The following MBD5 variants were observed in gnomAD, a reference collection of about 807,000 sequenced individuals.
MBD5 encodes the protein methyl-CpG-binding domain protein 5.
MBD5 carries 13 observed loss-of-function variants against 117.3 expected under a neutral mutation model. The observed-to-expected ratio is 0.11, with a 90% CI of 0.07 to 0.18. The LOEUF (loss-of-function observed/expected upper bound fraction) is 0.18. MBD5 is among the 10% of genes least tolerant of loss of function. The pLI is 1.00. For missense variants in MBD5, 1,879 were observed against 2,093.8 expected (o/e 0.90, Z 2.00); for synonymous variants, 727 against 766.4 (o/e 0.95, Z 0.85).
intron 3 of MBD5, among the ~76,000 whole-genome samples, chr2:148,341,487 G>A (rs536999932): frequency 1.3e-5 from 2 of 151,812 alleles, no homozygotes; most frequent in East Asian, 3.9e-4. Context: ...ATTAAATTAG[G>A]TGATATTGCC....
chr2:148,163,261 C>T (rs1412511141), intron 1 of MBD5, among the ~76,000 whole-genome samples: 1 of 152,114 alleles, frequency 6.6e-6, no homozygotes, highest in Non-Finnish European at 1.5e-5. Context: ...GTCTTGGAGC[C>T]TAAGCCTGGA....
intron 1 of MBD5, among the ~76,000 whole-genome samples, chr2:148,053,322 C>A (rs1307974518): frequency 6.6e-6 from 1 of 152,012 alleles, no homozygotes; most frequent in African/African-American, 2.4e-5. Context: ...TTACAAAATA[C>A]TTTAGCATTT....
In MBD5 at chr2:148,513,719, T is replaced by C. The variant is rs1357033598; in HGVS notation, c.*778T>C. 1 of 152,178 alleles carries C rather than the reference T, an allele frequency of 6.6e-6. No individual in the cohort carries two copies. Among genetic ancestry groups the C allele is most frequent in the African/African-American group, 2.4e-5 (1 of 41,416 alleles). 9.4% of individuals were successfully genotyped at this position (152,178 alleles called of 1,614,324 possible). On this transcript the variant is annotated 3_prime_UTR_variant, in exon 14 of 14. Transcript: ENST00000642680. ...ACTGCAACCATTTGTTGCATATTTT[T>C]TTTACCTAAGTTTTAAAATAGAATA...
intron 4 of MBD5, among the ~76,000 whole-genome samples, chr2:148,353,566 A>G (rs182628552): frequency 6.6e-6 from 1 of 152,152 alleles, no homozygotes; most frequent in East Asian, 1.9e-4. Context: ...TCCTGTCTCT[A>G]TCATTCAGCA....
rs920870137 is a variant in MBD5, at chr2:148,437,173, G to T, written c.-556-21030G>T. 3.3e-5 allele frequency among the ~76,000 whole-genome samples: 5 copies of T among 151,884 alleles called. No homozygotes were observed. In the East Asian group the frequency reaches 9.7e-4, roughly 30 times the overall value. ...ATTTTTTGTATTTTTAGTAGAGATG[G>T]GGTTTCACCATATTAGCCAGGATGG... On this transcript the variant is annotated intron_variant, in intron 4 of 13. Transcript: ENST00000642680.
intron 1 of MBD5, among the ~76,000 whole-genome samples, chr2:148,038,040 GAA>G (rs1694243775): frequency 6.6e-6 from 1 of 151,924 alleles, no homozygotes; most frequent in Non-Finnish European, 1.5e-5. Flanking sequence ...TGGATCAGGA[GAA>G]AGAGACCCAG....
At chr2:148,050,770 T>C (rs1020251646) in intron 1 of MBD5, among the ~76,000 whole-genome samples, 4 of 152,176 alleles carry the variant, frequency 2.6e-5, no homozygotes, top group African/African-American at 9.6e-5. Flanking sequence ...TGTACGTCTC[T>C]CCTTATATCA....
chr2:148,261,342 T>C (rs911668812), intron 3 of MBD5, among the ~76,000 whole-genome samples: 2 of 152,224 alleles, frequency 1.3e-5, no homozygotes, highest in Non-Finnish European at 2.9e-5. Context: ...GAAAATCTGT[T>C]GTTTGTTCAT....
chr2:148,100,648 A>G (rs1196960555), intron 1 of MBD5, among the ~76,000 whole-genome samples: 1 of 152,214 alleles, frequency 6.6e-6, no homozygotes, highest in African/African-American at 2.4e-5. Flanking sequence ...CAGTTCTCCA[A>G]AAGGGCCTGT....
chr2:148,232,442 A>T (rs1393922775), intron 2 of MBD5, among the ~76,000 whole-genome samples: 3 of 152,132 alleles, frequency 2.0e-5, no homozygotes, highest in Non-Finnish European at 1.5e-5. Context: ...CAATGGATGA[A>T]ACTCAGAAAT....
In MBD5 at chr2:148,389,079, A is replaced by T. The variant is rs563961342; in HGVS notation, c.-557+46743A>T. ...ATTTAAGTGTGAACATGCAATATTT[A>T]ATTTTCTGTTTCTGAGTTACTTCAC... is the stretch of plus-strand genomic sequence containing the variant. On this transcript the variant is annotated intron_variant, in intron 4 of 13. Transcript: ENST00000642680. 2.7e-5 allele frequency among the ~76,000 whole-genome samples: 4 copies of T among 150,040 alleles called. No homozygotes were observed. The East Asian group carries it at 7.9e-4, about 30-fold the overall frequency.
chr2:148,203,804 A>G (rs1337545871), intron 2 of MBD5, among the ~76,000 whole-genome samples: 1 of 151,804 alleles, frequency 6.6e-6, no homozygotes, highest in African/African-American at 2.4e-5. Flanking sequence ...ATTATAAGCA[A>G]TACCTGTAGC....
At chr2:148,310,090 A>G (rs185808256) in intron 3 of MBD5, among the ~76,000 whole-genome samples, 1 of 152,270 alleles carries the variant, frequency 6.6e-6, no homozygotes, top group African/African-American at 2.4e-5. Context: ...CATCAGGGAT[A>G]TTGGCCTGAA....
At chr2:148,180,878 A>G (rs1457138982) in intron 2 of MBD5, among the ~76,000 whole-genome samples, 1 of 152,176 alleles carries the variant, frequency 6.6e-6, no homozygotes. Context: ...TGATATTCTA[A>G]AATAATATCT....
intron 4 of MBD5, among the ~76,000 whole-genome samples, chr2:148,374,101 A>G (rs1703926648): frequency 6.6e-6 from 1 of 152,144 alleles, no homozygotes; most frequent in Non-Finnish European, 1.5e-5. Context: ...GATAAGGGGT[A>G]CTCAACCTAT....
At chr2:148,411,381 T>C (rs1376792200) in intron 4 of MBD5, among the ~76,000 whole-genome samples, 1 of 152,110 alleles carries the variant, frequency 6.6e-6, no homozygotes, top group Non-Finnish European at 1.5e-5. Context: ...GATCACTGGG[T>C]CGAGTGACAA....
At chr2:148,473,686 A>G (rs964898236) in intron 8 of MBD5, among the ~76,000 whole-genome samples, 2 of 152,154 alleles carry the variant, frequency 1.3e-5, no homozygotes, top group African/African-American at 4.8e-5. Context: ...TGTGAATTCT[A>G]TGGGAGGCAT....
Position 148,469,093 on chromosome 2 carries a change from A to C in MBD5, c.1150A>C (p.Asn384His). Residue 384 changes from asparagine to histidine, a missense_variant, in exon 8 of 14, where the codon AAT (asparagine) becomes CAT (histidine). Physicochemically the swap from Asn to His is moderately conservative, Grantham distance 68 (BLOSUM62 1). Around this residue, in one of 4 missense-constraint regions of MBD5, gnomAD observed 1,666 missense variants for 1,792.2 expected, o/e 0.93. Coordinates refer to ENST00000642680, the MANE Select transcript of MBD5 (RefSeq NM_001378120.1). ...VIINPTSFHS[N>H]VHSQVPMMNV... ...CATTAATCCAACCAGTTTCCATTCA[A>C]ATGTCCACTCTCAGGTACCTATGAT... 1 of 1,613,998 alleles carries C rather than the reference A, an allele frequency of 6.2e-7. No individual in the cohort carries two copies. Among genetic ancestry groups the C allele is most frequent in the East Asian group, 2.2e-5 (1 of 44,856 alleles).
At chr2:148,039,003 A>G (rs1037290758) in intron 1 of MBD5, among the ~76,000 whole-genome samples, 1 of 152,122 alleles carries the variant, frequency 6.6e-6, no homozygotes, top group Non-Finnish European at 1.5e-5. Context: ...ACAACAGGAA[A>G]CATCCCACCT....
Sources: allele counts gnomAD v4.1 joint callset (sites outside exome capture counted in the v4.1 genomes callset), GRCh38; gene constraint gnomAD v4.1.1; regional missense constraint gnomAD v4.1.1; transcripts MANE v1.5; gene names NCBI Gene and HGNC (gene_info 2026-07-23, HGNC 2026-07-21).